The following THEMIS variants were observed in gnomAD, a reference collection of about 807,000 sequenced individuals.
The protein encoded by THEMIS is protein THEMIS.
Under a neutral mutation model 52.6 loss-of-function variants are expected in THEMIS, and 37 were observed. The ratio of observed to expected loss-of-function variants is 0.70; its 90% CI spans 0.54 to 0.93. The LOEUF is 0.93. Ranked by LOEUF, THEMIS falls within the 40% of genes least tolerant of loss-of-function variation. The pLI, the probability that THEMIS is intolerant of heterozygous loss-of-function variation, is 0.00. For missense variants in THEMIS, 808 were observed against 763.1 expected (o/e 1.06, Z -0.69); for synonymous variants, 292 against 272.7 (o/e 1.07, Z -0.70).
chr6:127,900,834 G>A lies in THEMIS; in HGVS notation c.91+8C>T, dbSNP rs1388808237. The A allele has an allele frequency of 1.2e-6, 2 of 1,610,348 alleles. No individual in the cohort carries two copies. The highest frequency in any genetic ancestry group is 2.2e-5 in the East Asian group (1 of 44,824). ...TTCTAGCCAGTAAAGGTATTGGAGA[G>A]TGCTTACCTTCAAGATAGATGCCTG... On this transcript the variant is annotated splice_region_variant and intron_variant, in intron 1 of 5. Transcript: ENST00000368248.
downstream of THEMIS, among the ~76,000 whole-genome samples, chr6:127,704,893 G>T (rs1773780300): frequency 6.6e-6 from 1 of 152,194 alleles, no homozygotes; most frequent in Non-Finnish European, 1.5e-5. Context: ...ATTCATGTAT[G>T]GGTCAACTTA....
rs564252865 is a variant in THEMIS, at chr6:127,829,379, A to C, written c.709+97T>G. Reference sequence around the variant, plus strand: ...AACTCTCACAGGCTCAATAGTTGAAATAAAGACAGACTCCCATTCTTCAGG... The same window carrying C: ...AACTCTCACAGGCTCAATAGTTGAACTAAAGACAGACTCCCATTCTTCAGG... On this transcript the variant is annotated intron_variant, in intron 3 of 5. Transcript: ENST00000368248. 12 of 985,756 alleles carry C rather than the reference A, an allele frequency of 1.2e-5. No homozygotes were observed. In the African/African-American group the frequency reaches 1.3e-4, roughly 11 times the overall value. 61.1% of individuals were successfully genotyped at this position (985,756 alleles called of 1,614,324 possible).
At position 127,708,315 on chromosome 6, in the gene THEMIS, T is replaced by C. The variant is rs2114441322; in HGVS notation, c.*1670A>G. The C allele has an allele frequency of 6.6e-6, 1 of 152,232 alleles. No homozygotes were observed. Among genetic ancestry groups the C allele is most frequent in the Non-Finnish European group, 1.5e-5 (1 of 67,996 alleles). 9.4% of individuals were successfully genotyped at this position (152,232 alleles called of 1,614,324 possible). A position where few individuals can be genotyped will look rare whatever the true frequency, so the allele number is the denominator to read the frequency against. On this transcript the variant is annotated 3_prime_UTR_variant, in exon 6 of 6. Coordinates refer to ENST00000368248, the MANE Select transcript of THEMIS (RefSeq NM_001010923.3). ...AACACAGTATGTGAAAGGACTTATA[T>C]TTAGAAATGTTATATATGATTTCTA... is the stretch of plus-strand genomic sequence containing the variant.
At chr6:127,700,211 A>T in the THEMIS span, among the ~76,000 whole-genome samples, 1 of 151,858 alleles carries the variant, frequency 6.6e-6, no homozygotes, top group Non-Finnish European at 1.5e-5. Context: ...GTCTTCCTCT[A>T]ACAGTGTGCT....
At chr6:127,903,276 G>C (rs1781190330), upstream of THEMIS, among the ~76,000 whole-genome samples, 1 of 152,014 alleles carries the variant, frequency 6.6e-6, no homozygotes, top group South Asian at 2.1e-4. Context: ...CCTGATGTGA[G>C]CAGCCAAGTT....
intron 4 of THEMIS, among the ~76,000 whole-genome samples, chr6:127,806,104 C>T (rs1016935459): frequency 1.3e-5 from 2 of 152,048 alleles, no homozygotes; most frequent in African/African-American, 4.8e-5. Flanking sequence ...CAAATGCTCT[C>T]ACTTAATACA....
chr6:127,716,026 T>A (rs1774147169), intron 5 of THEMIS, among the ~76,000 whole-genome samples: 1 of 151,898 alleles, frequency 6.6e-6, no homozygotes, highest in African/African-American at 2.4e-5. Flanking sequence ...ACTACTTGAC[T>A]AGTCTAATTT....
chr6:127,795,443 C>T (rs536647253), intron 4 of THEMIS, among the ~76,000 whole-genome samples: 10 of 152,250 alleles, frequency 6.6e-5, no homozygotes, highest in Admixed American at 2.6e-4. Context: ...ATTCTCCTGC[C>T]TCAGCCTCCT....
intron 4 of THEMIS, among the ~76,000 whole-genome samples, chr6:127,774,296 C>T (rs1189940887): frequency 6.6e-6 from 1 of 152,232 alleles, no homozygotes; most frequent in Non-Finnish European, 1.5e-5. Flanking sequence ...AGCTCCGCCT[C>T]CCGGGTTCAC....
chr6:127,853,382 C>A (rs1229190997), intron 2 of THEMIS, among the ~76,000 whole-genome samples: 1 of 151,704 alleles, frequency 6.6e-6, no homozygotes, highest in Non-Finnish European at 1.5e-5. Context: ...GATGACCAGA[C>A]TTTGCCACAG....
At chr6:127,811,826 T>A (rs1179372383) in intron 4 of THEMIS, among the ~76,000 whole-genome samples, 1 of 152,200 alleles carries the variant, frequency 6.6e-6, no homozygotes, top group African/African-American at 2.4e-5. Context: ...TTATATCAAA[T>A]GACTCTTTCA....
chr6:127,915,917 G>A (rs1181494524), intron 1 of THEMIS, among the ~76,000 whole-genome samples: 1 of 152,148 alleles, frequency 6.6e-6, no homozygotes, highest in Non-Finnish European at 1.5e-5. Flanking sequence ...AACTCAGGAG[G>A]CAGAGGTTGC....
intron 4 of THEMIS, among the ~76,000 whole-genome samples, chr6:127,747,002 T>G: frequency 1.1e-5 from 1 of 89,782 alleles, no homozygotes; most frequent in East Asian, 3.2e-4. Context: ...TAGATATCTA[T>G]AATTATATTA....
rs560293763 is a variant in THEMIS, at chr6:127,805,611, G to T, written c.1758+7272C>A. Reference sequence around the variant, plus strand: ...CTGATTTTTGGAAGCCTATTTTATTGCATTCTTTCATAGCCATCTTGTGCT... The same window carrying T: ...CTGATTTTTGGAAGCCTATTTTATTTCATTCTTTCATAGCCATCTTGTGCT... On this transcript the variant is annotated intron_variant, in intron 4 of 5. Transcript: ENST00000368248. 2.6e-5 allele frequency among the ~76,000 whole-genome samples: 4 copies of T among 151,936 alleles called. No individual in the cohort carries two copies. The South Asian group carries it at 8.3e-4, about 31-fold the overall frequency.
intron 3 of THEMIS, among the ~76,000 whole-genome samples, chr6:127,815,463 C>G (rs1778095306): frequency 6.6e-6 from 1 of 151,664 alleles, no homozygotes; most frequent in Non-Finnish European, 1.5e-5. Flanking sequence ...CTTATATGTC[C>G]TGTGTAATTA....
chr6:127,734,640 G>A (rs1005681445), intron 4 of THEMIS, among the ~76,000 whole-genome samples: 2 of 151,836 alleles, frequency 1.3e-5, no homozygotes, highest in African/African-American at 2.4e-5. Flanking sequence ...GGAGGCCGAG[G>A]CAGGCCGATC....
At chr6:127,791,131 CG>C (rs1055478019) in intron 4 of THEMIS, among the ~76,000 whole-genome samples, 5 of 152,208 alleles carry the variant, frequency 3.3e-5, no homozygotes, top group African/African-American at 1.2e-4. Flanking sequence ...CCCCACCATT[CG>C]GCAGGTCCCA....
At chr6:127,742,830 G>A (rs1401820093) in intron 4 of THEMIS, among the ~76,000 whole-genome samples, 1 of 152,088 alleles carries the variant, frequency 6.6e-6, no homozygotes. Flanking sequence ...AGATAAAAAT[G>A]TTCTGGAGAT....
At chr6:127,800,757 T>G (rs1277990667) in intron 4 of THEMIS, among the ~76,000 whole-genome samples, 1 of 152,214 alleles carries the variant, frequency 6.6e-6, no homozygotes, top group Non-Finnish European at 1.5e-5. Flanking sequence ...CTTCCCAGCC[T>G]ACATCTTTCT....
Sources: allele counts gnomAD v4.1 joint callset (sites outside exome capture counted in the v4.1 genomes callset), GRCh38; gene constraint gnomAD v4.1.1; transcripts MANE v1.5; gene names NCBI Gene and HGNC (gene_info 2026-07-23, HGNC 2026-07-21).